Variants in CADM2 observed in about 807,000 individuals in gnomAD.
The protein encoded by CADM2 is cell adhesion molecule 2.
Under a neutral mutation model 49.8 loss-of-function variants are expected in CADM2, and 12 were observed. That is an observed-to-expected ratio of 0.24 (90% confidence interval 0.15 to 0.39). CADM2 has a LOEUF of 0.39. CADM2 is among the 10% of genes least tolerant of loss of function. The pLI is 1.00. For synonymous variants in CADM2, 214 were observed against 175.4 expected (o/e 1.22, Z -1.74); for missense variants, 378 against 492.3 (o/e 0.77, Z 2.20).
At chr3:85,012,070 C>T (rs1359221011) in intron 1 of CADM2, among the ~76,000 whole-genome samples, 2 of 150,988 alleles carry the variant, frequency 1.3e-5, no homozygotes, top group Non-Finnish European at 2.9e-5. Flanking sequence ...TGGCGAAGGG[C>T]CTGGTTTTTT....
At chr3:85,996,874 T>C (rs1373700118) in intron 8 of CADM2, among the ~76,000 whole-genome samples, 2 of 152,208 alleles carry the variant, frequency 1.3e-5, no homozygotes, top group Non-Finnish European at 2.9e-5. Context: ...TAAAACAAGA[T>C]AAACAATCCC....
At chr3:85,554,654 G>A (rs1207585719) in intron 1 of CADM2, among the ~76,000 whole-genome samples, 1 of 152,096 alleles carries the variant, frequency 6.6e-6, no homozygotes, top group Non-Finnish European at 1.5e-5. Flanking sequence ...AAATTGACCT[G>A]AGATTATTTT....
chr3:85,462,379 C>T (rs927065740), intron 1 of CADM2, among the ~76,000 whole-genome samples: 35 of 152,054 alleles, frequency 2.3e-4, no homozygotes, highest in Admixed American at 1.9e-3. Flanking sequence ...TTCCATTAAG[C>T]GGTATTTCTT....
At chr3:85,821,093 G>GA (rs1054424845) in intron 3 of CADM2, among the ~76,000 whole-genome samples, 1 of 151,986 alleles carries the variant, frequency 6.6e-6, no homozygotes, top group Non-Finnish European at 1.5e-5. Context: ...TACAAATCCA[G>GA]AAAAAAATAA....
At chr3:85,058,785 G>C (rs910649301) in intron 1 of CADM2, among the ~76,000 whole-genome samples, 2 of 151,850 alleles carry the variant, frequency 1.3e-5, no homozygotes, top group East Asian at 3.9e-4. Context: ...ATAACTGATT[G>C]TTTATAGATT....
intron 1 of CADM2, among the ~76,000 whole-genome samples, chr3:85,157,537 A>G (rs1250394901): frequency 3.3e-5 from 5 of 152,112 alleles, no homozygotes; most frequent in African/African-American, 4.8e-5. Flanking sequence ...ATAATGCCGC[A>G]TATCTACAAC....
chr3:85,031,173 C>T (rs76232872), intron 1 of CADM2, among the ~76,000 whole-genome samples: 1,815 of 152,256 alleles, frequency 0.012, 35 homozygotes, highest in East Asian at 0.079. Context: ...GAAGCGACGG[C>T]CATAAACACC....
Position 85,551,780 on chromosome 3 carries a change from A to G in CADM2, c.62-174742A>G, listed in dbSNP as rs550541300. Among the ~76,000 whole-genome samples, 25 of 152,194 alleles carry G rather than the reference A, an allele frequency of 1.6e-4. 1 individual carries two copies. The South Asian group carries it at 3.9e-3, about 24-fold the overall frequency. On this transcript the variant is annotated intron_variant, in intron 1 of 9. Transcript: ENST00000383699. The stretch of plus-strand genomic sequence containing the variant: ...ACTCTGTACTCTCTTTTTCAAAAAC[A>G]TTTCCTACTGGGTATATAATTTCAT...
intron 8 of CADM2, among the ~76,000 whole-genome samples, chr3:85,977,069 A>G (rs934746073): frequency 6.6e-6 from 1 of 151,040 alleles, no homozygotes; most frequent in Admixed American, 6.6e-5. Context: ...ATTACTGCCT[A>G]TATTGGTTGA....
At chr3:85,619,285 T>C (rs1200293411) in intron 1 of CADM2, among the ~76,000 whole-genome samples, 1 of 151,462 alleles carries the variant, frequency 6.6e-6, no homozygotes, top group Middle Eastern at 3.2e-3. Context: ...GATTTATTGA[T>C]ATTTTTTCAC....
chr3:85,366,621 A>G (rs1000232870), intron 1 of CADM2, among the ~76,000 whole-genome samples: 7 of 152,188 alleles, frequency 4.6e-5, no homozygotes, highest in South Asian at 4.1e-4. Context: ...AAGTGCTTGT[A>G]TAATAATTAA....
chr3:85,748,591 G>A (rs748343942), intron 2 of CADM2, among the ~76,000 whole-genome samples: 32 of 152,094 alleles, frequency 2.1e-4, no homozygotes, highest in Admixed American at 6.6e-5. Context: ...GTCACATCAC[G>A]CATTTCTCAG....
chr3:85,369,939 A>G (rs1030349543), intron 1 of CADM2, among the ~76,000 whole-genome samples: 2 of 152,120 alleles, frequency 1.3e-5, no homozygotes, highest in African/African-American at 4.8e-5. Flanking sequence ...TTGACAATAT[A>G]CACTTCATGA....
intron 1 of CADM2, among the ~76,000 whole-genome samples, chr3:84,969,310 AT>A (rs2031243702): frequency 6.6e-6 from 1 of 152,054 alleles, no homozygotes; most frequent in South Asian, 2.1e-4. Flanking sequence ...ATTTTACACA[AT>A]AGCATAATTT....
chr3:85,193,126 A>G (rs2041248711), intron 1 of CADM2, among the ~76,000 whole-genome samples: 1 of 152,108 alleles, frequency 6.6e-6, no homozygotes, highest in Non-Finnish European at 1.5e-5. Context: ...AAGTCTTGAT[A>G]TGACAGAAAA....
At chr3:85,547,752 T>G (rs2061702188) in intron 1 of CADM2, among the ~76,000 whole-genome samples, 1 of 152,120 alleles carries the variant, frequency 6.6e-6, no homozygotes, top group South Asian at 2.1e-4. Context: ...TTATTTAGAC[T>G]TAGGAAAGGG....
At chr3:85,459,367 A>G (rs1011382658) in intron 1 of CADM2, among the ~76,000 whole-genome samples, 13 of 152,122 alleles carry the variant, frequency 8.5e-5, no homozygotes, top group Admixed American at 1.3e-4. Context: ...AGGTGTGGGT[A>G]TTTAGGCCAG....
chr3:85,023,262 G>A (rs1227530080), intron 1 of CADM2, among the ~76,000 whole-genome samples: 1 of 151,994 alleles, frequency 6.6e-6, no homozygotes, highest in African/African-American at 2.4e-5. Flanking sequence ...GTTTGGACCT[G>A]CTTCAGCTAA....
Position 85,883,463 on chromosome 3 carries a change from A to G in CADM2, c.391+20A>G. On this transcript the variant is annotated intron_variant, in intron 4 of 9. Coordinates refer to ENST00000383699, the MANE Select transcript of CADM2 (RefSeq NM_001167675.2). ...TTCTGGGTAAGTGCAAGGGACTAAC[A>G]CCATGTAATCACAAAACCAGAATGA... 1 of 1,583,666 alleles carries G rather than the reference A, an allele frequency of 6.3e-7. No homozygotes were observed. The highest frequency in any genetic ancestry group is 8.6e-7 in the Non-Finnish European group (1 of 1,161,248).
Sources: allele counts gnomAD v4.1 joint callset (sites outside exome capture counted in the v4.1 genomes callset), GRCh38; gene constraint gnomAD v4.1.1; transcripts MANE v1.5; gene names NCBI Gene and HGNC (gene_info 2026-07-23, HGNC 2026-07-21).